COL2A1: variants seen among roughly 807,000 people sequenced by gnomAD.
COL2A1 encodes the protein collagen type II alpha 1 chain, also known as collagen alpha-1(II) chain.
In COL2A1, 28 loss-of-function variants were observed where a neutral mutation model predicts 204.5. The observed-to-expected ratio is 0.14, with a 90% CI of 0.10 to 0.19. The LOEUF (loss-of-function observed/expected upper bound fraction) is 0.19, where lower values mean the gene tolerates loss of function less well. COL2A1 is among the 10% of genes least tolerant of loss of function. The pLI is 1.00. For synonymous variants in COL2A1, 708 were observed against 718.7 expected (o/e 0.99, Z 0.24); for missense variants, 1,388 against 2,027.5 (o/e 0.68, Z 6.06).
intron 37 of COL2A1, 102 bp from the exon 38 acceptor site, chr12:47,981,070 C>T: frequency 1.6e-6 from 2 of 1,231,680 alleles, no homozygotes; most frequent in Non-Finnish European, 2.3e-6. Context: ...TCCTGTTCCC[C>T]AGAGACGGGG....
In COL2A1 at chr12:47,978,019, A is replaced by G. The variant is rs1793948; in HGVS notation, c.3102T>C (p.Pro1034=). ...GGGTCTCACTGCTCACCTCTCGTCC[A>G]GGTTCACCTGCAGGACCCGTCAGGC... ...PPGLTGPAGE[P]GREGSPGADG... The change falls in exon 44 of 54, where the codon CCT becomes CCC. Residue 1034 remains proline, a synonymous_variant. Coordinates refer to ENST00000380518, the MANE Select transcript of COL2A1 (RefSeq NM_001844.5). The surrounding 1 kb of genome is among the most constrained non-coding windows in gnomAD (Gnocchi z 5.5). 7.9e-4 allele frequency: 1,280 copies of G among 1,613,428 alleles called. 17 individuals are homozygous for G. In the African/African-American group the frequency reaches 0.015, roughly 19 times the overall value.
In COL2A1 at chr12:47,995,931, C is replaced by A; in HGVS notation, c.610-12G>T. On this transcript the variant is annotated splice_polypyrimidine_tract_variant and intron_variant, in intron 8 of 53. Coordinates refer to ENST00000380518, the MANE Select transcript of COL2A1 (RefSeq NM_001844.5). Reference sequence around the variant, plus strand: ...GGTCCCATGGGGCCCTGCATCGGAACAGAAAATGAGGGGTTTACTACACAT... The same window carrying A: ...GGTCCCATGGGGCCCTGCATCGGAAAAGAAAATGAGGGGTTTACTACACAT... The A allele has an allele frequency of 6.2e-7, 1 of 1,611,878 alleles. No individual in the cohort carries two copies. Among genetic ancestry groups the A allele is most frequent in the South Asian group, 1.1e-5 (1 of 91,044 alleles).
chr12:48,005,440 G>C (rs960339539), upstream of COL2A1: 1 of 152,268 alleles, frequency 6.6e-6, no homozygotes. Flanking sequence ...GCTTTGGCCA[G>C]GGACGGTTGG....
In COL2A1 at chr12:47,995,816, C is replaced by T. The variant is rs374113050; in HGVS notation, c.655-53G>A. On this transcript the variant is annotated intron_variant, in intron 9 of 53. Transcript: ENST00000380518. ...CAATCCCTATAAACTGCTAAAACAT[C>T]ATAGTGCTTGGGAATCATCTGCGAC... The T allele has an allele frequency of 1.9e-6, 3 of 1,610,128 alleles. No homozygotes were observed. The African/African-American group carries it at 4.0e-5, about 22-fold the overall frequency.
At chr12:47,999,529 G>C (rs1940129030) in intron 2 of COL2A1, among the ~76,000 whole-genome samples, 1 of 152,104 alleles carries the variant, frequency 6.6e-6, no homozygotes, top group Admixed American at 6.5e-5. Flanking sequence ...CTAAGGAGAA[G>C]ACAAGGTGTC....
intron 26 of COL2A1, among the ~76,000 whole-genome samples, 180 bp downstream of exon 26, chr12:47,985,354 A>C (rs1372851767): frequency 6.6e-6 from 1 of 152,186 alleles, no homozygotes; most frequent in African/African-American, 2.4e-5. Context: ...TGGCATTTTC[A>C]GTGCTCACAG....
chr12:47,977,888 G>T, intron 44 of COL2A1, 122 bp downstream of exon 44: 1 of 1,026,058 alleles, frequency 9.7e-7, no homozygotes, highest in Non-Finnish European at 1.5e-6. Flanking sequence ...CAGGCCTGTC[G>T]GCCGACACTG....
upstream of COL2A1, among the ~76,000 whole-genome samples, chr12:48,004,760 C>A (rs895696196): frequency 2.0e-5 from 3 of 152,182 alleles, no homozygotes; most frequent in Admixed American, 6.5e-5. Flanking sequence ...GGCGCTGCCC[C>A]CCTCTGACCA....
intron 16 of COL2A1, 97 bp from the exon 17 acceptor site, chr12:47,989,902 CCTGGGGTGT>C: frequency 8.3e-7 from 1 of 1,202,606 alleles, no homozygotes; most frequent in South Asian, 1.2e-5. Context: ...ACACACTGTG[CCTGGGGTGT>C]CCCAGGGCAG....
chr12:47,999,828 C>A, intron 2 of COL2A1, 91 bp downstream of exon 2: 4 of 1,178,696 alleles, frequency 3.4e-6, no homozygotes, highest in Non-Finnish European at 3.8e-6. Flanking sequence ...AGCCCCTCTG[C>A]TTTGCAGAGA....
chr12:47,980,434 C>A lies in COL2A1; in HGVS notation c.2625+120G>T. On this transcript the variant is annotated intron_variant, in intron 39 of 53. Coordinates refer to ENST00000380518, the MANE Select transcript of COL2A1 (RefSeq NM_001844.5). This position sits in a 1 kb window ranked among gnomAD's most constrained non-coding sequence, Gnocchi z 4.5. ...CATGCCACATGGAAGCTCCTTCTAC[C>A]AACATGGGGGTGTTCCCAGGCCTGC... The A allele has an allele frequency of 1.1e-6, 1 of 923,800 alleles. No individual in the cohort carries two copies. Among genetic ancestry groups the A allele is most frequent in the South Asian group, 1.4e-5 (1 of 71,162 alleles). The allele number at this position is 923,800 out of a possible 1,614,324, so 57.2% of individuals were successfully genotyped here.
At chr12:47,975,066 C>G (rs1335651060) in intron 51 of COL2A1, among the ~76,000 whole-genome samples, 1 of 152,196 alleles carries the variant, frequency 6.6e-6, no homozygotes, top group Non-Finnish European at 1.5e-5. Context: ...AGGAAGAACA[C>G]ATGCAAAGAG....
At chr12:48,004,566 C>G (rs994535348), upstream of COL2A1, 1 of 466,616 alleles carries the variant, frequency 2.1e-6, no homozygotes, top group African/African-American at 2.1e-5. Flanking sequence ...CCCCTGCCCC[C>G]CGCTGGGCTG....
At position 47,999,634 on chromosome 12, in the gene COL2A1, A is replaced by ATTTTTTTTTTTT. The variant is rs10708850; in HGVS notation, c.292+273_292+284dup. On this transcript the variant is annotated intron_variant, in intron 2 of 53. Transcript: ENST00000380518. ...ATTTGCAGAGATGATTTCAGAGAGG[A>ATTTTTTTTTTTT]TTTTTTTTTTTTTTTTTTTGTAGAA... 12 of 156,276 alleles carry ATTTTTTTTTTTT rather than the reference A, an allele frequency of 7.7e-5. 2 individuals carry two copies. The highest frequency in any genetic ancestry group is 2.5e-4 in the East Asian group (1 of 3,948). 9.7% of individuals were successfully genotyped at this position (156,276 alleles called of 1,614,324 possible). A position where few individuals can be genotyped will look rare whatever the true frequency, so the allele number is the denominator to read the frequency against.
In COL2A1 at chr12:47,983,185, A is replaced by C. The variant is rs762537462; in HGVS notation, c.2050-48T>G. 1.9e-6 allele frequency: 3 copies of C among 1,596,768 alleles called. No individual in the cohort carries two copies. The South Asian group carries it at 3.4e-5, about 18-fold the overall frequency. On this transcript the variant is annotated intron_variant, in intron 31 of 53. Transcript: ENST00000380518. ...TGAGAGTGAAGGCTTCATATCACAG[A>C]CCCCTGAACAATTCTCCACAGCAGG...
chr12:47,996,840 G>A (rs1939988851), intron 7 of COL2A1, among the ~76,000 whole-genome samples: 1 of 152,212 alleles, frequency 6.6e-6, no homozygotes, highest in African/African-American at 2.4e-5. Flanking sequence ...CACTGGAAGG[G>A]AAAGTGTTAT....
intron 2 of COL2A1, chr12:47,999,634 A>ATT (rs10708850): frequency 0.029 from 4,581 of 156,036 alleles, 492 homozygotes; most frequent in East Asian, 0.11. Context: ...TTCAGAGAGG[A>ATT]TTTTTTTTTT....
intron 40 of COL2A1, 41 bp downstream of exon 40, chr12:47,979,968 C>T (rs1938952629): frequency 6.5e-7 from 1 of 1,535,522 alleles, no homozygotes; most frequent in East Asian, 2.4e-5. Context: ...GGCCAGGCCT[C>T]TTTGTGAGGT....
intron 47 of COL2A1, 70 bp downstream of exon 47, chr12:47,977,032 C>T (rs970108206): frequency 2.1e-5 from 33 of 1,556,972 alleles, no homozygotes; most frequent in Non-Finnish European, 2.6e-5. Flanking sequence ...GCCCAGGAAC[C>T]ACCTGGAGGC....
Sources: gnomAD v4.1 joint callset for allele counts (sites outside exome capture counted in the v4.1 genomes callset) on GRCh38, gnomAD v4.1.1 for gene constraint, Gnocchi (gnomAD v3.1) non-coding constraint, MANE v1.5 for transcripts, NCBI Gene and HGNC (gene_info 2026-07-23, HGNC 2026-07-21) for gene names.